Variants in THSD7A observed in about 807,000 individuals in gnomAD.
The protein encoded by THSD7A is thrombospondin type-1 domain-containing protein 7A.
THSD7A carries 96 observed loss-of-function variants against 231.3 expected under a neutral mutation model. The observed-to-expected ratio is 0.41, with a 90% CI of 0.35 to 0.49. The LOEUF is 0.49. Ranked by LOEUF, THSD7A falls within the 20% of genes least tolerant of loss-of-function variation. The pLI is 0.05. For synonymous variants in THSD7A, 940 were observed against 743.3 expected, an observed-to-expected ratio of 1.26 and a Z score of -4.30; for missense variants, 2,290 against 2,070.2, an observed-to-expected ratio of 1.11 and a Z score of -2.06.
chr7:11,821,397 G>T, intron 1 of THSD7A: 3 of 313,448 alleles, frequency 9.6e-6, no homozygotes, highest in South Asian at 5.5e-5. Flanking sequence ...GATTTTAAAA[G>T]CCCTTTTTTT....
intron 6 of THSD7A, among the ~76,000 whole-genome samples, chr7:11,489,249 C>T (rs1786790250): frequency 6.6e-6 from 1 of 152,050 alleles, no homozygotes; most frequent in Non-Finnish European, 1.5e-5. Context: ...AAGAAAAAAG[C>T]ACTGGTGTTT....
In THSD7A at chr7:11,411,456, G is replaced by C. The variant is rs1783784628; in HGVS notation, c.3683-134C>G. 1.6e-6 allele frequency: 1 copy of C among 628,224 alleles called. No individual in the cohort carries two copies. The highest frequency in any genetic ancestry group is 3.0e-5 in the Admixed American group (1 of 33,536). 38.9% of individuals were successfully genotyped at this position (628,224 alleles called of 1,614,324 possible). ...CCCATAATCAATCATCCCCCATGCA[G>C]AGCATATGGGTCCCAGCTTTGAACG... On this transcript the variant is annotated intron_variant, in intron 18 of 27. Transcript: ENST00000423059. The surrounding 1 kb of genome is among the most constrained non-coding windows in gnomAD (Gnocchi z 4.1).
chr7:11,519,324 T>G (rs1788166398), intron 6 of THSD7A, among the ~76,000 whole-genome samples: 1 of 152,196 alleles, frequency 6.6e-6, no homozygotes, highest in South Asian at 2.1e-4. Context: ...TTTTGACTTT[T>G]AACTCAGTTG....
At chr7:11,658,431 A>G (rs1304709376) in intron 1 of THSD7A, among the ~76,000 whole-genome samples, 1 of 151,626 alleles carries the variant, frequency 6.6e-6, no homozygotes, top group South Asian at 2.1e-4. Context: ...TTTCCTCCAG[A>G]TAGGCCTTTT....
chr7:11,697,741 C>A (rs1780446397), intron 1 of THSD7A, among the ~76,000 whole-genome samples: 1 of 151,256 alleles, frequency 6.6e-6, no homozygotes, highest in Admixed American at 6.6e-5. Context: ...AACCTCCTAC[C>A]TAGTTAAAGA....
intron 23 of THSD7A, among the ~76,000 whole-genome samples, chr7:11,390,638 TGAG>T (rs1412602420): frequency 6.6e-6 from 1 of 152,216 alleles, no homozygotes; most frequent in East Asian, 1.9e-4. Flanking sequence ...CCCTTGCTGG[TGAG>T]GAGGTGTGAT....
chr7:11,401,736 A>G (rs926246118), intron 23 of THSD7A, 59 bp downstream of exon 23: 3 of 1,259,064 alleles, frequency 2.4e-6, no homozygotes, highest in African/African-American at 3.1e-5. Flanking sequence ...TTAACAGACT[A>G]TTTTTTTTTT....
At chr7:11,680,435 T>G (rs897308258) in intron 1 of THSD7A, among the ~76,000 whole-genome samples, 3 of 152,030 alleles carry the variant, frequency 2.0e-5, no homozygotes, top group African/African-American at 4.8e-5. Flanking sequence ...TGGGAGAAAA[T>G]TTTTGCAATG....
chr7:11,459,910 A>G (rs970255874), intron 11 of THSD7A, among the ~76,000 whole-genome samples: 3 of 152,098 alleles, frequency 2.0e-5, no homozygotes, highest in African/African-American at 7.2e-5. Context: ...ATTATGCTAC[A>G]TTTTAAATAC....
chr7:11,546,202 G>GCGCACGCGCGCACACACACACACA (rs761841418), intron 4 of THSD7A, among the ~76,000 whole-genome samples: 1 of 129,374 alleles, frequency 7.7e-6, no homozygotes, highest in Non-Finnish European at 1.7e-5. Flanking sequence ...GTGGGCGCGC[G>GCGCACGCGCGCACACACACACACA]CTCACACACA....
At chr7:11,726,112 A>G (rs1781535802) in intron 1 of THSD7A, among the ~76,000 whole-genome samples, 1 of 152,016 alleles carries the variant, frequency 6.6e-6, no homozygotes, top group Non-Finnish European at 1.5e-5. Flanking sequence ...TAGTTTCCAT[A>G]AAAGCTAAAT....
At chr7:11,543,162 C>T in intron 4 of THSD7A, 45 bp from the exon 5 acceptor site, 4 of 1,529,778 alleles carry the variant, frequency 2.6e-6, no homozygotes, top group Non-Finnish European at 3.6e-6. Context: ...ACAAAAGGAA[C>T]ATATATGGCC....
intron 13 of THSD7A, among the ~76,000 whole-genome samples, chr7:11,431,642 G>T (rs1233018799): frequency 6.6e-6 from 1 of 151,938 alleles, no homozygotes; most frequent in African/African-American, 2.4e-5. Flanking sequence ...TTCCTATTTC[G>T]TTTTTCCTTT....
intron 1 of THSD7A, among the ~76,000 whole-genome samples, chr7:11,805,799 C>A (rs77651509): frequency 0.019 from 2,892 of 152,120 alleles, 54 homozygotes; most frequent in Non-Finnish European, 0.032. Flanking sequence ...TACTTACATT[C>A]AACATTTAAA....
intron 1 of THSD7A, among the ~76,000 whole-genome samples, chr7:11,767,571 T>C (rs1783067629): frequency 6.6e-6 from 1 of 152,204 alleles, no homozygotes; most frequent in Non-Finnish European, 1.5e-5. Context: ...ATTTTTAATA[T>C]AACTTTCAAA....
chr7:11,508,775 A>G (rs184511796), intron 6 of THSD7A, among the ~76,000 whole-genome samples: 52 of 152,378 alleles, frequency 3.4e-4, no homozygotes, highest in African/African-American at 1.1e-3. Context: ...AAAGCAGGAA[A>G]TTCTGCAATA....
intron 13 of THSD7A, among the ~76,000 whole-genome samples, chr7:11,439,545 G>C (rs946925060): frequency 2.6e-5 from 4 of 152,002 alleles, no homozygotes; most frequent in Non-Finnish European, 5.9e-5. Context: ...AAAACTTCTT[G>C]AAGGAAATTG....
rs188663107 is a variant in THSD7A at position 11,742,704 on chromosome 7, T to A, written c.190+89053A>T. 7.5e-4 allele frequency among the ~76,000 whole-genome samples: 114 copies of A among 152,022 alleles called. 1 individual carries two copies. Among genetic ancestry groups the A allele is most frequent in the African/African-American group, 2.4e-3 (101 of 41,540 alleles). On this transcript the variant is annotated intron_variant, in intron 1 of 27. Coordinates refer to ENST00000423059, the MANE Select transcript of THSD7A (RefSeq NM_015204.3). ...CAAGAGACTGGGAGGTTGCTATTAA[T>A]AAGGATCCCTGCTGTTGCTGCACTC...
intron 6 of THSD7A, among the ~76,000 whole-genome samples, chr7:11,487,391 A>T (rs894929594): frequency 5.9e-5 from 9 of 152,210 alleles, no homozygotes; most frequent in Admixed American, 2.0e-4. Flanking sequence ...TAGAGCCTAA[A>T]TAAAACATAA....
Sources: allele counts gnomAD v4.1 joint callset (sites outside exome capture counted in the v4.1 genomes callset), GRCh38; gene constraint gnomAD v4.1.1; non-coding constraint Gnocchi (gnomAD v3.1); transcripts MANE v1.5; gene names NCBI Gene and HGNC (gene_info 2026-07-23, HGNC 2026-07-21).